Variants in NSD3 observed in about 807,000 individuals in gnomAD.
NSD3 encodes nuclear receptor binding SET domain protein 3, also known as histone-lysine N-methyltransferase NSD3.
NSD3 carries 24 observed loss-of-function variants against 160.8 expected under a neutral mutation model. The ratio of observed to expected loss-of-function variants is 0.15; its 90% CI spans 0.11 to 0.21. The LOEUF is 0.21. Among genes scored for constraint, NSD3 ranks in the 10% least tolerant of loss-of-function variants. NSD3 has a pLI of 1.00. For missense variants in NSD3, 1,157 were observed against 1,735.9 expected (o/e 0.67, Z 5.93); for synonymous variants, 520 against 600.0 (o/e 0.87, Z 1.95).
intron 12 of NSD3, among the ~76,000 whole-genome samples, chr8:38,305,713 TG>T (rs1276344470): frequency 6.6e-6 from 1 of 152,214 alleles, no homozygotes; most frequent in African/African-American, 2.4e-5. Context: ...GAACAGAATT[TG>T]TTTGACATCT....
chr8:38,349,017 C>T (rs534079277), intron 1 of NSD3, among the ~76,000 whole-genome samples: 60 of 152,038 alleles, frequency 3.9e-4, no homozygotes, highest in Admixed American at 5.9e-4. Flanking sequence ...TTCATTATTC[C>T]CACTCTTCTA....
intron 1 of NSD3, among the ~76,000 whole-genome samples, chr8:38,369,783 TTTTTTGTTTTTGTTTTTG>T (rs561362638): frequency 6.6e-6 from 1 of 151,978 alleles, no homozygotes; most frequent in Non-Finnish European, 1.5e-5. Flanking sequence ...CCCAGTTTTG[TTTTTTGTTTTTGTTTTTG>T]TTTTTGTTTT....
At chr8:38,381,772 A>G in intron 1 of NSD3, 27 bp downstream of exon 1, 1 of 150,530 alleles carries the variant, frequency 6.6e-6, no homozygotes, top group Non-Finnish European at 1.5e-5. Context: ...ACACACACAC[A>G]CATACACACA....
At chr8:38,289,633 C>T in intron 17 of NSD3, 128 bp from the exon 18 acceptor site, 2 of 793,340 alleles carry the variant, frequency 2.5e-6, no homozygotes, top group Non-Finnish European at 4.0e-6. Flanking sequence ...GAATTATTTT[C>T]TGGAAGTTAC....
chr8:38,362,690 T>C (rs1269078774), intron 1 of NSD3, among the ~76,000 whole-genome samples: 3 of 152,170 alleles, frequency 2.0e-5, no homozygotes. Flanking sequence ...ATAATAATTC[T>C]ACAAGCATAT....
chr8:38,361,463 A>T (rs1249857317), intron 1 of NSD3, among the ~76,000 whole-genome samples: 2 of 151,692 alleles, frequency 1.3e-5, no homozygotes, highest in South Asian at 4.2e-4. Flanking sequence ...TAAAAACAAA[A>T]GACAGAAAGG....
At chr8:38,354,758 G>C (rs917617850) in intron 1 of NSD3, among the ~76,000 whole-genome samples, 2 of 152,028 alleles carry the variant, frequency 1.3e-5, no homozygotes, top group African/African-American at 2.4e-5. Flanking sequence ...GATTTGGCTA[G>C]TGTTTGGAAG....
chr8:38,350,208 G>A (rs1423396753), intron 1 of NSD3, among the ~76,000 whole-genome samples: 1 of 152,132 alleles, frequency 6.6e-6, no homozygotes, highest in Non-Finnish European at 1.5e-5. Flanking sequence ...CCCAGTAATG[G>A]GATGCCTGGG....
chr8:38,379,308 T>A (rs1007585035), intron 1 of NSD3, among the ~76,000 whole-genome samples: 2 of 151,530 alleles, frequency 1.3e-5, no homozygotes, highest in African/African-American at 2.4e-5. Context: ...TTTTTTTTTT[T>A]AAGCAATGAA....
chr8:38,327,213 C>T (rs1375383508), intron 6 of NSD3, among the ~76,000 whole-genome samples: 1 of 151,750 alleles, frequency 6.6e-6, no homozygotes, highest in Non-Finnish European at 1.5e-5. Flanking sequence ...CCACGCCCTG[C>T]TAATTTTTTT....
intron 7 of NSD3, among the ~76,000 whole-genome samples, chr8:38,322,674 G>A (rs1241768602): frequency 1.3e-5 from 2 of 152,140 alleles, no homozygotes; most frequent in African/African-American, 2.4e-5. Flanking sequence ...CCATTGAAGA[G>A]TATTATGTTC....
chr8:38,337,154 G>GAA (rs1247952418), intron 4 of NSD3, 151 bp downstream of exon 4: 100 of 546,602 alleles, frequency 1.8e-4, no homozygotes, highest in South Asian at 3.7e-4. Context: ...AAAAAAAAAA[G>GAA]AAAAAAAAAA....
At chr8:38,281,251 C>T (rs1474316276) in intron 20 of NSD3, among the ~76,000 whole-genome samples, 1 of 152,154 alleles carries the variant, frequency 6.6e-6, no homozygotes, top group African/African-American at 2.4e-5. Context: ...TTTTCACTCA[C>T]AGTGCTGTCT....
intron 22 of NSD3, chr8:38,276,778 G>T: frequency 2.4e-6 from 1 of 416,862 alleles, no homozygotes; most frequent in Non-Finnish European, 4.4e-6. Context: ...TCGACCTCCT[G>T]GGCTCAAGCA....
intron 6 of NSD3, 74 bp from the exon 7 acceptor site, chr8:38,326,930 A>T: frequency 6.7e-7 from 1 of 1,497,100 alleles, no homozygotes; most frequent in Non-Finnish European, 9.0e-7. Context: ...GCTTATAAAG[A>T]TGGCTTAAAA....
At chr8:38,311,324 G>A (rs889391111) in intron 12 of NSD3, among the ~76,000 whole-genome samples, 11 of 151,692 alleles carry the variant, frequency 7.3e-5, no homozygotes, top group African/African-American at 9.7e-5. Flanking sequence ...GAATTGTTTC[G>A]TTTTTTGTTT....
intron 1 of NSD3, among the ~76,000 whole-genome samples, chr8:38,350,973 C>CTTTT (rs35184943): frequency 1.5e-5 from 2 of 134,174 alleles, no homozygotes; most frequent in East Asian, 2.2e-4. Context: ...CTAGAAAGTT[C>CTTTT]TTTTTTTTTT....
At chr8:38,354,657 C>T (rs1479787446) in intron 1 of NSD3, among the ~76,000 whole-genome samples, 2 of 151,520 alleles carry the variant, frequency 1.3e-5, no homozygotes, top group African/African-American at 2.4e-5. Flanking sequence ...TAACAACTGG[C>T]GAATCTAGGT....
intron 3 of NSD3, 112 bp from the exon 4 acceptor site, chr8:38,337,579 G>C (rs1810253057): frequency 1.0e-6 from 1 of 983,050 alleles, no homozygotes; most frequent in Non-Finnish European, 1.3e-6. Context: ...CTTTGATACA[G>C]GAAAGTGTCA....
Sources: allele counts gnomAD v4.1 joint callset (sites outside exome capture counted in the v4.1 genomes callset), GRCh38; gene constraint gnomAD v4.1.1; transcripts MANE v1.5; gene names NCBI Gene and HGNC (gene_info 2026-07-23, HGNC 2026-07-21).